KIF9: variants seen among roughly 807,000 people sequenced by gnomAD.
KIF9 encodes kinesin family member 9, also known as kinesin-like protein KIF9.
Under a neutral mutation model 94.8 loss-of-function variants are expected in KIF9, and 68 were observed. That is an observed-to-expected ratio of 0.72 (90% CI 0.59 to 0.88). The LOEUF (loss-of-function observed/expected upper bound fraction) is 0.88, where lower values mean the gene tolerates loss of function less well. Ranked by LOEUF, KIF9 falls within the 40% of genes least tolerant of loss-of-function variation. KIF9 has a pLI of 0.00. For missense variants in KIF9, 882 were observed against 982.5 expected, an observed-to-expected ratio of 0.90 and a Z score of 1.37; for synonymous variants, 343 against 362.1, an observed-to-expected ratio of 0.95 and a Z score of 0.60.
At chr3:47,240,769 A>G (rs779506306) in intron 17 of KIF9, 32 bp downstream of exon 17, 52 of 1,587,510 alleles carry the variant, frequency 3.3e-5, no homozygotes, top group Middle Eastern at 1.8e-4. Flanking sequence ...TGAGACCCCA[A>G]AGCTCCCTAG....
intron 16 of KIF9, among the ~76,000 whole-genome samples, chr3:47,242,184 T>C (rs1309055860): frequency 6.6e-6 from 1 of 152,198 alleles, no homozygotes; most frequent in Non-Finnish European, 1.5e-5. Flanking sequence ...CTGGCCTTTT[T>C]GATATATTTT....
intron 20 of KIF9, among the ~76,000 whole-genome samples, chr3:47,233,036 G>A (rs1195999175): frequency 6.7e-6 from 1 of 149,710 alleles, no homozygotes; most frequent in African/African-American, 2.4e-5. Context: ...ATGACAAACA[G>A]GAAGAAATAG....
rs1354921574 is a variant in KIF9, at chr3:47,235,625, A to G, written c.2218-8T>C. ...GTCCTGGTCATCTTCTCCCTGGGGG[A>G]GGACAGTCCCTTTAGCATGGTATTG... On this transcript the variant is annotated splice_region_variant and splice_polypyrimidine_tract_variant and intron_variant, in intron 19 of 20. Coordinates refer to ENST00000684063, the MANE Select transcript of KIF9 (RefSeq NM_182902.4). The G allele has an allele frequency of 6.2e-7, 1 of 1,606,948 alleles. No individual in the cohort carries two copies. The highest frequency in any genetic ancestry group is 1.7e-5 in the Admixed American group (1 of 60,008).
rs374788004 is a variant in KIF9 at position 47,248,092 on chromosome 3, G to A, written c.1060-6C>T. 8.5e-5 allele frequency: 137 copies of A among 1,611,234 alleles called. No homozygotes were observed. The African/African-American group carries it at 1.5e-3, about 18-fold the overall frequency. ...TCCAGGTTCTTGACCATTCTCTGCCGGGAAACATGGTAGGGTGGGGGCCGA... is the reference window on the plus strand; with the variant it reads ...TCCAGGTTCTTGACCATTCTCTGCCAGGAAACATGGTAGGGTGGGGGCCGA... On this transcript the variant is annotated splice_region_variant and splice_polypyrimidine_tract_variant and intron_variant, in intron 10 of 20. Coordinates refer to ENST00000684063, the MANE Select transcript of KIF9 (RefSeq NM_182902.4).
Position 47,282,558 on chromosome 3 carries a change from A to C in KIF9, c.-69T>G. 2.9e-6 allele frequency: 3 copies of C among 1,020,040 alleles called. No individual in the cohort carries two copies. The highest frequency in any genetic ancestry group is 3.5e-6 in the Non-Finnish European group (3 of 849,840). 63.2% of individuals were successfully genotyped at this position (1,020,040 alleles called of 1,614,324 possible). A position where few individuals can be genotyped will look rare whatever the true frequency, so the allele number is the denominator to read the frequency against. On this transcript the variant is annotated 5_prime_UTR_variant, in exon 1 of 21. Coordinates refer to ENST00000684063, the MANE Select transcript of KIF9 (RefSeq NM_182902.4). Reference sequence around the variant, plus strand: ...GCAACCGAAACCACCTGCACTCCCCACGCGGGGCTGCCTGGCTGTGTACAT... The same window carrying C: ...GCAACCGAAACCACCTGCACTCCCCCCGCGGGGCTGCCTGGCTGTGTACAT...
At chr3:47,264,759 T>C (rs562246297) in intron 8 of KIF9, among the ~76,000 whole-genome samples, 62 of 152,342 alleles carry the variant, frequency 4.1e-4, no homozygotes, top group Non-Finnish European at 1.0e-4. Context: ...TTTTTGTCCT[T>C]ATAAAATTCA....
At chr3:47,241,050 T>A (rs1699441308) in intron 16 of KIF9, 35 bp from the exon 17 acceptor site, 1 of 1,589,184 alleles carries the variant, frequency 6.3e-7, no homozygotes, top group African/African-American at 1.3e-5. Flanking sequence ...AGAGGATAAA[T>A]GAGGTGGCTG....
Position 47,253,125 on chromosome 3 carries a change from G to A in KIF9, c.1059+4358C>T, listed in dbSNP as rs556220930. On this transcript the variant is annotated intron_variant, in intron 10 of 20. Coordinates refer to ENST00000684063, the MANE Select transcript of KIF9 (RefSeq NM_182902.4). ...ACCGCCCCAAAATGTGACTTTAATA[G>A]CCTGCTGTCACATTGGCTTCAGGGG... Among the ~76,000 whole-genome samples, 4 of 152,216 alleles carry A rather than the reference G, an allele frequency of 2.6e-5. No individual in the cohort carries two copies. In the South Asian group the frequency reaches 8.3e-4, roughly 32 times the overall value.
At position 47,247,376 on chromosome 3, in the gene KIF9, G is replaced by T; in HGVS notation, c.1230C>A (p.Ile410=). The T allele has an allele frequency of 6.2e-7, 1 of 1,610,108 alleles. No individual in the cohort carries two copies. Among genetic ancestry groups the T allele is most frequent in the Non-Finnish European group, 8.5e-7 (1 of 1,176,494 alleles). ...RRYLEGTLDE[I]DIISLRQIKE... ...TGGTCACAGAGGGGTTCCTTACGTC[G>T]ATCTCGTCCAGTGTCCCCTCCAGGT... is the stretch of plus-strand genomic sequence containing the variant. The change falls in exon 12 of 21, where the codon ATC becomes ATA. Residue 410 remains isoleucine (I), a synonymous_variant. Transcript: ENST00000684063.
chr3:47,271,232 C>T lies in KIF9; in HGVS notation c.591+5G>A, dbSNP rs372036771. On this transcript the variant is annotated splice_donor_5th_base_variant and intron_variant, in intron 5 of 20. Coordinates refer to ENST00000684063, the MANE Select transcript of KIF9 (RefSeq NM_182902.4). Reference sequence around the variant, plus strand: ...GAAAGGAACCCTCAGGTTTTATTATCTCACCTCAAAAAGGAGGCTGAATGC... The same window carrying T: ...GAAAGGAACCCTCAGGTTTTATTATTTCACCTCAAAAAGGAGGCTGAATGC... 5 of 1,603,958 alleles carry T rather than the reference C, an allele frequency of 3.1e-6. No homozygotes were observed. In the East Asian group the frequency reaches 1.1e-4, roughly 36 times the overall value.
At chr3:47,231,937 A>G (rs542900891) in intron 20 of KIF9, 1 of 152,352 alleles carries the variant, frequency 6.6e-6, no homozygotes, top group East Asian at 1.9e-4. Context: ...CACAAAATCC[A>G]GAAACTAAGA....
chr3:47,267,403 T>C, intron 5 of KIF9, 140 bp from the exon 6 acceptor site: 2 of 680,432 alleles, frequency 2.9e-6, no homozygotes, highest in Non-Finnish European at 5.2e-6. Flanking sequence ...CAAACCTCTT[T>C]TATAAACTAA....
chr3:47,266,048 A>G (rs1456754470), intron 7 of KIF9, 171 bp from the exon 8 acceptor site: 3 of 606,074 alleles, frequency 4.9e-6, no homozygotes, highest in South Asian at 2.3e-5. Flanking sequence ...ATCTTGGGCT[A>G]ATAATGGTAA....
chr3:47,271,427 G>T lies in KIF9; in HGVS notation c.401C>A (p.Ala134Asp). 1 of 1,614,090 alleles carries T rather than the reference G, an allele frequency of 6.2e-7. No individual in the cohort carries two copies. Among genetic ancestry groups the T allele is most frequent in the East Asian group, 2.2e-5 (1 of 44,872 alleles). ...FRMIEERPTH[A>D]ITVRVSYLEI... ...CAAGTAGGAAACACGCACAGTGATGGCATGTGTGGGGCGTTCTTCGATCAT... is the reference window on the plus strand; with the variant it reads ...CAAGTAGGAAACACGCACAGTGATGTCATGTGTGGGGCGTTCTTCGATCAT... Residue 134 changes from alanine (A) to aspartate (D), a missense_variant, in exon 5 of 21, where the codon GCC becomes GAC. Physicochemically the swap from Ala to Asp is moderately radical, Grantham distance 126. Coordinates refer to ENST00000684063, the MANE Select transcript of KIF9 (RefSeq NM_182902.4).
chr3:47,234,308 A>G (rs1028683758), intron 20 of KIF9, among the ~76,000 whole-genome samples: 17 of 150,516 alleles, frequency 1.1e-4, no homozygotes, highest in African/African-American at 4.2e-4. Flanking sequence ...ATCTCAGCTC[A>G]CTGGGACCTC....
chr3:47,242,883 A>T (rs1699669810), intron 16 of KIF9, 168 bp downstream of exon 16: 1 of 523,658 alleles, frequency 1.9e-6, no homozygotes, highest in African/African-American at 1.9e-5. Flanking sequence ...CTGAGGTTGG[A>T]TCATTTTGCA....
In KIF9 at chr3:47,282,733, G is replaced by A; in HGVS notation, c.-244C>T. 7.1e-6 allele frequency: 10 copies of A among 1,414,934 alleles called. No individual in the cohort carries two copies. In the South Asian group the frequency reaches 1.5e-4, roughly 21 times the overall value. The allele number at this position is 1,414,934 out of a possible 1,614,324, so 87.6% of individuals were successfully genotyped here. On this transcript the variant is annotated 5_prime_UTR_variant, in exon 1 of 21. Transcript: ENST00000684063. ...GGCCGATTGATCTAGAAAGACTTCG[G>A]CGGATGCACATGCGAAGTCAAGGTC...
At chr3:47,280,920 C>A in intron 1 of KIF9, 1 of 703,096 alleles carries the variant, frequency 1.4e-6, no homozygotes, top group East Asian at 2.7e-5. Flanking sequence ...AACACCCAAA[C>A]ATTTAGGGAC....
chr3:47,241,861 T>TAC (rs748922593), intron 16 of KIF9, among the ~76,000 whole-genome samples: 494 of 119,836 alleles, frequency 4.1e-3, no homozygotes, highest in African/African-American at 6.3e-3. Flanking sequence ...TATATATATA[T>TAC]ACACATATAT....
Sources: allele counts gnomAD v4.1 joint callset (sites outside exome capture counted in the v4.1 genomes callset), GRCh38; gene constraint gnomAD v4.1.1; transcripts MANE v1.5; gene names NCBI Gene and HGNC (gene_info 2026-07-23, HGNC 2026-07-21).